CNBD1: variants seen among roughly 807,000 people sequenced by gnomAD.
CNBD1 encodes the protein cyclic nucleotide binding domain containing 1.
Under a neutral mutation model 54.4 loss-of-function variants are expected in CNBD1, and 71 were observed. The ratio of observed to expected loss-of-function variants is 1.30; its 90% CI spans 1.08 to 1.59. The LOEUF (loss-of-function observed/expected upper bound fraction) is 1.59, where lower values mean the gene tolerates loss of function less well. Among genes scored for constraint, CNBD1 ranks in the 40% most tolerant of loss-of-function variants. The probability of loss-of-function intolerance (pLI) is 0.00; values close to 1 mark genes in which losing one functional copy is unlikely to be tolerated. For synonymous variants in CNBD1, 182 were observed against 170.7 expected (o/e 1.07, Z -0.51); for missense variants, 659 against 518.0 (o/e 1.27, Z -2.64).
At chr8:87,348,490 AC>A (rs1323729124) in intron 8 of CNBD1, among the ~76,000 whole-genome samples, 1 of 152,180 alleles carries the variant, frequency 6.6e-6, no homozygotes, top group Non-Finnish European at 1.5e-5. Flanking sequence ...TTCAAAGATA[AC>A]ATTAATTGGT....
At chr8:87,012,134 AAAAATGGCT>A (rs1292155461) in intron 4 of CNBD1, among the ~76,000 whole-genome samples, 1 of 152,238 alleles carries the variant, frequency 6.6e-6, no homozygotes, top group Non-Finnish European at 1.5e-5. Flanking sequence ...GTGAACACTG[AAAAATGGCT>A]TCTTTAAGAG....
At chr8:87,399,973 A>C (rs564819407) in intron 2 of CNBD1, among the ~76,000 whole-genome samples, 2 of 152,092 alleles carry the variant, frequency 1.3e-5, no homozygotes, top group South Asian at 4.1e-4. Flanking sequence ...GACATAACCA[A>C]GACCACTGGA....
intron 4 of CNBD1, among the ~76,000 whole-genome samples, chr8:87,051,983 C>G (rs1810320127): frequency 6.6e-6 from 1 of 152,204 alleles, no homozygotes; most frequent in Admixed American, 6.5e-5. Context: ...AGTCCAACCT[C>G]CAGTGGTCCC....
chr8:87,168,187 A>G (rs1237395651), intron 4 of CNBD1, among the ~76,000 whole-genome samples: 3 of 152,042 alleles, frequency 2.0e-5, no homozygotes, highest in Non-Finnish European at 2.9e-5. Flanking sequence ...CCACACTGGC[A>G]TTGCTATGGA....
rs1807950291 is a variant in CNBD1 at position 87,422,113 on chromosome 8, G to A, written c.214-6433G>A. ...TGTTCATATCCTTCACCCACTTTTT[G>A]ATGGGGCTGTTTGTTTTTTTCTTGT... On this transcript the variant is annotated intron_variant, in intron 2 of 7. Coordinates refer to the CNBD1 transcript ENST00000521593. Among the ~76,000 whole-genome samples the A allele has an allele frequency of 2.7e-5, 4 of 146,786 alleles. No individual in the cohort carries two copies. In the South Asian group the frequency reaches 8.5e-4, roughly 31 times the overall value.
chr8:87,364,706 C>A (rs1335807873), intron 10 of CNBD1, among the ~76,000 whole-genome samples: 2 of 151,898 alleles, frequency 1.3e-5, no homozygotes, highest in African/African-American at 2.4e-5. Context: ...CATGTGTTCT[C>A]ATCATTTAGC....
chr8:87,347,432 G>C lies in CNBD1; in HGVS notation c.1043-4253G>C, dbSNP rs531103664. Among the ~76,000 whole-genome samples the C allele has an allele frequency of 9.9e-5, 15 of 152,256 alleles. No individual in the cohort carries two copies. The East Asian group carries it at 1.3e-3, about 14-fold the overall frequency. ...AAATATCCTTGCCTTGATGGAGCTT[G>C]CATCCTAATGGCTAGAAAATATAAT... On this transcript the variant is annotated intron_variant, in intron 8 of 10. Transcript: ENST00000518476.
chr8:86,996,098 T>A lies in CNBD1; in HGVS notation c.431+56344T>A, dbSNP rs1214212897. Among the ~76,000 whole-genome samples, 3 of 152,314 alleles carry A rather than the reference T, an allele frequency of 2.0e-5. No homozygotes were observed. The East Asian group carries it at 5.8e-4, about 29-fold the overall frequency. ...TTCCACCTGGTAATTTGGCTTCTGT[T>A]ATCTAAAGGATCAGCTTCTCCTGTT... On this transcript the variant is annotated intron_variant, in intron 4 of 10. Transcript: ENST00000518476.
intron 3 of CNBD1, among the ~76,000 whole-genome samples, chr8:86,910,256 G>T (rs1350275431): frequency 6.6e-6 from 1 of 152,148 alleles, no homozygotes; most frequent in Non-Finnish European, 1.5e-5. Flanking sequence ...AAGATCTGGA[G>T]TGCTTGTCGG....
intron 1 of CNBD1, among the ~76,000 whole-genome samples, chr8:86,880,342 A>T (rs1808588581): frequency 6.6e-6 from 1 of 151,864 alleles, no homozygotes; most frequent in Non-Finnish European, 1.5e-5. Context: ...AGAAAAAATA[A>T]AAAAAAACGT....
rs1339617607 is a variant in CNBD1 at position 86,935,981 on chromosome 8, TA to T, written c.273-3607del. ...GGCCAACATGGCAAAAACCATCTCTTAAAAAAAATTAGCTGGGCATTGGTGT... is the reference window on the plus strand; with the variant it reads ...GGCCAACATGGCAAAAACCATCTCTTAAAAAAATTAGCTGGGCATTGGTGT... On this transcript the variant is annotated intron_variant, in intron 3 of 10. Coordinates refer to ENST00000518476, the MANE Select transcript of CNBD1 (RefSeq NM_173538.3). Among the ~76,000 whole-genome samples, 4 of 151,830 alleles carry T rather than the reference TA, an allele frequency of 2.6e-5. No homozygotes were observed. In the East Asian group the frequency reaches 5.8e-4, roughly 22 times the overall value.
intron 4 of CNBD1, among the ~76,000 whole-genome samples, chr8:86,996,289 G>A (rs1011964645): frequency 6.6e-6 from 1 of 152,096 alleles, no homozygotes; most frequent in Admixed American, 6.6e-5. Flanking sequence ...TGTCTCACCA[G>A]GATTGTAAAC....
chr8:86,966,835 G>A (rs1808089316), intron 4 of CNBD1, among the ~76,000 whole-genome samples: 2 of 152,136 alleles, frequency 1.3e-5, no homozygotes, highest in Admixed American at 1.3e-4. Flanking sequence ...CCACAGCATG[G>A]AAGAGGACCC....
intron 4 of CNBD1, among the ~76,000 whole-genome samples, chr8:87,029,661 G>A (rs2130591165): frequency 6.6e-6 from 1 of 152,254 alleles, no homozygotes; most frequent in South Asian, 2.1e-4. Context: ...AGAGACGAGA[G>A]GAGGAGTGAG....
chr8:87,140,964 C>T (rs948495335), intron 4 of CNBD1, among the ~76,000 whole-genome samples: 15 of 151,780 alleles, frequency 9.9e-5, no homozygotes, highest in Admixed American at 5.9e-4. Context: ...TTTTCTTTAG[C>T]GAATATTAAG....
At chr8:87,141,983 T>A (rs1029528101) in intron 4 of CNBD1, among the ~76,000 whole-genome samples, 3 of 152,158 alleles carry the variant, frequency 2.0e-5, no homozygotes, top group African/African-American at 7.2e-5. Flanking sequence ...AAAGACTCCT[T>A]AACTGTGAAA....
chr8:87,301,119 G>GA (rs956677855), intron 8 of CNBD1, among the ~76,000 whole-genome samples: 2 of 151,824 alleles, frequency 1.3e-5, no homozygotes, highest in Non-Finnish European at 2.9e-5. Flanking sequence ...TAAATTCCTG[G>GA]AAAAAATACA....
At chr8:87,242,133 T>C (rs897777368) in intron 6 of CNBD1, among the ~76,000 whole-genome samples, 1 of 152,308 alleles carries the variant, frequency 6.6e-6, no homozygotes, top group South Asian at 2.1e-4. Context: ...ACACTCTTTG[T>C]AGCCATAAAA....
At chr8:87,145,667 T>A (rs1158423449) in intron 4 of CNBD1, among the ~76,000 whole-genome samples, 2 of 152,164 alleles carry the variant, frequency 1.3e-5, no homozygotes, top group African/African-American at 2.4e-5. Flanking sequence ...CCTTTTACTA[T>A]TTGTGAGAGG....
Sources: gnomAD v4.1 joint callset for allele counts (sites outside exome capture counted in the v4.1 genomes callset) on GRCh38, gnomAD v4.1.1 for gene constraint, MANE v1.5 for transcripts, NCBI Gene and HGNC (gene_info 2026-07-23, HGNC 2026-07-21) for gene names.